Variants in NDNF observed in about 807,000 individuals in gnomAD.
NDNF encodes protein NDNF.
In NDNF, 16 loss-of-function variants were observed where a neutral mutation model predicts 42.0. The observed-to-expected ratio is 0.38, with a 90% CI of 0.26 to 0.58. NDNF has a LOEUF of 0.58. NDNF is among the 20% of genes least tolerant of loss of function. The pLI, the probability that NDNF is intolerant of heterozygous loss-of-function variation, is 0.67. For synonymous variants in NDNF, 248 were observed against 251.7 expected (o/e 0.99, Z 0.14); for missense variants, 616 against 666.2 (o/e 0.92, Z 0.83).
At chr4:121,063,596 C>T (rs1429116978) in intron 1 of NDNF, among the ~76,000 whole-genome samples, 3 of 152,054 alleles carry the variant, frequency 2.0e-5, no homozygotes, top group African/African-American at 7.2e-5. Flanking sequence ...TTGACTTCAA[C>T]AGATGATTTC....
At chr4:121,040,491 T>C (rs889238621) in intron 2 of NDNF, among the ~76,000 whole-genome samples, 1 of 152,204 alleles carries the variant, frequency 6.6e-6, no homozygotes, top group African/African-American at 2.4e-5. Flanking sequence ...ATTTGTACAT[T>C]AACTTGAGGG....
chr4:121,068,515 T>C (rs1480763979), intron 1 of NDNF, among the ~76,000 whole-genome samples: 1 of 152,232 alleles, frequency 6.6e-6, no homozygotes, highest in Non-Finnish European at 1.5e-5. Flanking sequence ...AGATATTATT[T>C]CAGGGTCAAA....
At position 121,036,318 on chromosome 4, in the gene NDNF, C is replaced by T; in HGVS notation, c.1653G>A (p.Gly551=). 1 of 1,613,970 alleles carries T rather than the reference C, an allele frequency of 6.2e-7. No homozygotes were observed. The highest frequency in any genetic ancestry group is 8.5e-7 in the Non-Finnish European group (1 of 1,179,952). The part of the protein sequence containing the change: ...YLLDVYVIGH[G]GHSVKYQSKV... ...TACTCTGATACTTTACAGAGTGCCC[C>T]CCATGTCCTATGACATAAACATCCA... Residue 551 remains glycine (G), a synonymous_variant, in exon 4 of 4, where the codon GGG becomes GGA. Coordinates refer to ENST00000379692, the MANE Select transcript of NDNF (RefSeq NM_024574.4).
chr4:121,038,462 C>A (rs1479363513), intron 3 of NDNF, among the ~76,000 whole-genome samples: 1 of 151,984 alleles, frequency 6.6e-6, no homozygotes, highest in Non-Finnish European at 1.5e-5. Context: ...CCAGGAATAA[C>A]ACAGGAATAG....
chr4:121,045,555 T>G (rs879804252), intron 2 of NDNF, 95 bp downstream of exon 2: 23 of 1,074,820 alleles, frequency 2.1e-5, no homozygotes, highest in African/African-American at 1.1e-4. Flanking sequence ...ATAGGTTGAT[T>G]TGTAAATTAC....
At chr4:121,060,622 C>G (rs1280293858) in intron 1 of NDNF, among the ~76,000 whole-genome samples, 1 of 152,164 alleles carries the variant, frequency 6.6e-6, no homozygotes, top group Non-Finnish European at 1.5e-5. Context: ...TGTTCATATA[C>G]TTAACAGAGT....
At chr4:121,055,793 C>T (rs929983652) in intron 1 of NDNF, among the ~76,000 whole-genome samples, 15 of 151,816 alleles carry the variant, frequency 9.9e-5, no homozygotes, top group Admixed American at 3.9e-4. Context: ...TAGAGAAAGG[C>T]AATACATACA....
At position 121,060,628 on chromosome 4, in the gene NDNF, A is replaced by C. The variant is rs540863209; in HGVS notation, c.-2+11365T>G. Among the ~76,000 whole-genome samples, 25 of 152,370 alleles carry C rather than the reference A, an allele frequency of 1.6e-4. No homozygotes were observed. In the South Asian group the frequency reaches 5.2e-3, roughly 32 times the overall value. ...TTTCTAGTTTGTTCATATACTTAAC[A>C]GAGTTTGCAAAAACACTACCAATAA... is the stretch of plus-strand genomic sequence containing the variant. On this transcript the variant is annotated intron_variant, in intron 1 of 3. Coordinates refer to ENST00000379692, the MANE Select transcript of NDNF (RefSeq NM_024574.4).
chr4:121,039,186 GTGTGTGTATATATATATATA>G (rs1209945429), intron 3 of NDNF, among the ~76,000 whole-genome samples: 1,308 of 16,400 alleles, frequency 0.08, 69 homozygotes, highest in African/African-American at 0.13. Context: ...CTATGTGTGT[GTGTGTGTATATATATATATA>G]TATATATATA....
chr4:121,060,451 G>A (rs1178483273), intron 1 of NDNF, among the ~76,000 whole-genome samples: 1 of 151,860 alleles, frequency 6.6e-6, no homozygotes, highest in Non-Finnish European at 1.5e-5. Flanking sequence ...AGAGTGTTGG[G>A]ATTACAGGTG....
Position 121,037,206 on chromosome 4 carries a change from A to G in NDNF, c.765T>C (p.Phe255=). 6.2e-7 allele frequency: 1 copy of G among 1,614,096 alleles called. No individual in the cohort carries two copies. Among genetic ancestry groups the G allele is most frequent in the Non-Finnish European group, 8.5e-7 (1 of 1,180,016 alleles). ...LDFSPFDFAH[F]GFPSDNSGKE... is the part of the protein sequence containing the mutation. Reference sequence around the variant, plus strand: ...TACCTGAATTATCAGAAGGAAATCCAAAGTGGGCAAAGTCAAAGGGGCTGA... The same window carrying G: ...TACCTGAATTATCAGAAGGAAATCCGAAGTGGGCAAAGTCAAAGGGGCTGA... The change falls in exon 4 of 4, where the codon TTT becomes TTC. Residue 255 remains phenylalanine, a synonymous_variant. Transcript: ENST00000379692.
Position 121,036,656 on chromosome 4 carries a change from G to C in NDNF, c.1315C>G (p.Pro439Ala). ...SMLKILATTRPTKQSFPSLPE... is the reference protein window; with the variant it reads ...SMLKILATTRATKQSFPSLPE... ...AGAGAGGGAAATGACTGCTTAGTAG[G>C]CCTTGTGGTAGCTAGAATTTTCAAC... The change falls in exon 4 of 4, where the codon CCT (proline) becomes GCT (alanine). Residue 439 changes from proline (P) to alanine (A), a missense_variant. Transcript: ENST00000379692. 1 of 1,614,118 alleles carries C rather than the reference G, an allele frequency of 6.2e-7. No homozygotes were observed. The highest frequency in any genetic ancestry group is 8.5e-7 in the Non-Finnish European group (1 of 1,180,006).
At position 121,039,143 on chromosome 4, in the gene NDNF, G is replaced by GTATATATATATATACGTATATGTATA. The variant is rs1386847891; in HGVS notation, c.313+786_313+787insTATACATATACGTATATATATATATA. 8.0e-5 allele frequency among the ~76,000 whole-genome samples: 3 copies of GTATATATATATATACGTATATGTATA among 37,676 alleles called. 1 individual carries two copies. The highest frequency in any genetic ancestry group is 1.3e-4 in the African/African-American group (3 of 22,398). 24.7% of individuals were successfully genotyped at this position (37,676 alleles called of 152,430 possible). A position where few individuals can be genotyped will look rare whatever the true frequency, so the allele number is the denominator to read the frequency against. On this transcript the variant is annotated intron_variant, in intron 3 of 3. Transcript: ENST00000379692. ...TACGTATACATAGTTATATATATATGTGTATATATATATGTATATATATAT... is the reference window on the plus strand; with the variant it reads ...TACGTATACATAGTTATATATATATGTATATATATATATACGTATATGTATATGTATATATATATGTATATATATAT...
chr4:121,063,040 C>T (rs892328627), intron 1 of NDNF, among the ~76,000 whole-genome samples: 11 of 151,862 alleles, frequency 7.2e-5, no homozygotes, highest in East Asian at 5.8e-4. Context: ...TGTTTATAGG[C>T]GCTCTTGTTT....
chr4:121,038,084 G>T (rs1726910541), intron 3 of NDNF: 1 of 156,194 alleles, frequency 6.4e-6, no homozygotes, highest in Admixed American at 6.3e-5. Context: ...ATATTTGGCT[G>T]GGTGTCATGG....
intron 1 of NDNF, among the ~76,000 whole-genome samples, chr4:121,053,066 C>T (rs1274765663): frequency 6.6e-6 from 1 of 152,126 alleles, no homozygotes; most frequent in East Asian, 1.9e-4. Flanking sequence ...AACTCGTGCA[C>T]TAAAGCTCTC....
In NDNF at chr4:121,045,846, A is replaced by T; in HGVS notation, c.-1-8T>A. On this transcript the variant is annotated splice_region_variant and splice_polypyrimidine_tract_variant and intron_variant, in intron 1 of 3. Coordinates refer to ENST00000379692, the MANE Select transcript of NDNF (RefSeq NM_024574.4). Reference sequence around the variant, plus strand: ...CAGTGGAGCAGCACCATCCTGAGGCAACAGAAATGACTACTTTATTAGTTC... The same window carrying T: ...CAGTGGAGCAGCACCATCCTGAGGCTACAGAAATGACTACTTTATTAGTTC... 1 of 1,611,378 alleles carries T rather than the reference A, an allele frequency of 6.2e-7. No homozygotes were observed. The highest frequency in any genetic ancestry group is 1.1e-5 in the South Asian group (1 of 90,840).
rs1454472872 is a variant in NDNF at position 121,036,116 on chromosome 4, A to T, written c.*148T>A. Reference sequence around the variant, plus strand: ...TCTCCTTCAAGAGTTACTTATATAAACATCAATATACACACGTTGATATCC... The same window carrying T: ...TCTCCTTCAAGAGTTACTTATATAATCATCAATATACACACGTTGATATCC... On this transcript the variant is annotated 3_prime_UTR_variant, in exon 4 of 4. Coordinates refer to ENST00000379692, the MANE Select transcript of NDNF (RefSeq NM_024574.4). 7.2e-6 allele frequency: 5 copies of T among 691,006 alleles called. No homozygotes were observed. The highest frequency in any genetic ancestry group is 7.3e-6 in the Non-Finnish European group (3 of 410,440). 42.8% of individuals were successfully genotyped at this position (691,006 alleles called of 1,614,324 possible). A position where few individuals can be genotyped will look rare whatever the true frequency, so the allele number is the denominator to read the frequency against.
At chr4:121,049,335 T>C (rs1727150127) in intron 1 of NDNF, among the ~76,000 whole-genome samples, 1 of 152,164 alleles carries the variant, frequency 6.6e-6, no homozygotes, top group African/African-American at 2.4e-5. Context: ...AGAGCAGGCA[T>C]GGCTACCACC....
Sources: allele counts gnomAD v4.1 joint callset (sites outside exome capture counted in the v4.1 genomes callset), GRCh38; gene constraint gnomAD v4.1.1; transcripts MANE v1.5; gene names NCBI Gene and HGNC (gene_info 2026-07-23, HGNC 2026-07-21).